HERC6: variants seen among roughly 807,000 people sequenced by gnomAD.
The protein encoded by HERC6 is HECT and RLD domain containing E3 ubiquitin protein ligase family member 6.
HERC6 carries 101 observed loss-of-function variants against 114.5 expected under a neutral mutation model. The ratio of observed to expected loss-of-function variants is 0.88; its 90% CI spans 0.75 to 1.04. HERC6 has a LOEUF of 1.04. Among genes scored for constraint, HERC6 ranks in the 50% least tolerant of loss-of-function variants. The pLI, the probability that HERC6 is intolerant of heterozygous loss-of-function variation, is 0.00. For missense variants in HERC6, 1,133 were observed against 1,230.9 expected (o/e 0.92, Z 1.19); for synonymous variants, 408 against 436.2 (o/e 0.94, Z 0.81).
chr4:88,426,804 G>C (rs969061821), intron 15 of HERC6, among the ~76,000 whole-genome samples: 2 of 152,198 alleles, frequency 1.3e-5, no homozygotes, highest in Non-Finnish European at 2.9e-5. Context: ...CCTATTACCA[G>C]CATGTTTACA....
intron 11 of HERC6, 122 bp downstream of exon 11, chr4:88,408,739 G>A: frequency 1.5e-6 from 1 of 689,290 alleles, no homozygotes; most frequent in Admixed American, 2.6e-5. Flanking sequence ...GCCCACTGCA[G>A]AAACAAAAAT....
In HERC6 at chr4:88,390,866, G is replaced by A. The variant is rs199728318; in HGVS notation, c.651G>A (p.Gly217=). ...GTGCCGGGCAGCTGGCCCTCAGTGG[G>A]CGTAATGTCCCAGGTAAGGAGATAG... ...SNSAGQLALS[G]RNVPVQSNKP... Residue 217 remains glycine (G), a synonymous_variant, in exon 4 of 23, where the codon GGG becomes GGA. Transcript: ENST00000264346. 73 of 1,612,906 alleles carry A rather than the reference G, an allele frequency of 4.5e-5. No individual in the cohort carries two copies. In the African/African-American group the frequency reaches 7.9e-4, roughly 17 times the overall value.
intron 4 of HERC6, 80 bp from the exon 5 acceptor site, chr4:88,393,408 T>C (rs1735023012): frequency 1.0e-5 from 7 of 672,158 alleles, no homozygotes; most frequent in Non-Finnish European, 1.7e-5. Context: ...AAAAGAAATA[T>C]AAAAAGATAT....
intron 14 of HERC6, 116 bp from the exon 15 acceptor site, chr4:88,424,479 A>T: frequency 1.3e-6 from 1 of 792,682 alleles, no homozygotes; most frequent in Non-Finnish European, 2.1e-6. Context: ...ACTCTGCCTT[A>T]AAAAAACAAA....
intron 11 of HERC6, among the ~76,000 whole-genome samples, chr4:88,409,326 A>G (rs1261321226): frequency 6.6e-6 from 1 of 152,206 alleles, no homozygotes; most frequent in African/African-American, 2.4e-5. Context: ...ATGAGAAAAG[A>G]CAGCCAACCT....
At chr4:88,385,894 T>C (rs1010303482) in intron 3 of HERC6, among the ~76,000 whole-genome samples, 1 of 152,212 alleles carries the variant, frequency 6.6e-6, no homozygotes, top group African/African-American at 2.4e-5. Flanking sequence ...GGCAGACTTA[T>C]TTGTCTATTT....
At position 88,429,547 on chromosome 4, in the gene HERC6, T is replaced by C. The variant is rs142527390; in HGVS notation, c.2106+797T>C. ...TTTGTGGGTGCTTACAGGGTTTTTA[T>C]TGTGTAGTAACTCAGGTTATTTGCC... On this transcript the variant is annotated intron_variant, in intron 16 of 22. Transcript: ENST00000264346. Among the ~76,000 whole-genome samples the C allele has an allele frequency of 9.0e-4, 137 of 152,320 alleles. 1 individual carries two copies. The highest frequency in any genetic ancestry group is 3.1e-3 in the African/African-American group (128 of 41,568).
In HERC6 at chr4:88,396,071, C is replaced by T. The variant is rs773252667; in HGVS notation, c.816C>T (p.Pro272=). 7.5e-6 allele frequency: 12 copies of T among 1,609,108 alleles called. No homozygotes were observed. The African/African-American group carries it at 1.6e-4, about 22-fold the overall frequency. Residue 272 remains proline, a synonymous_variant, in exon 6 of 23, where the codon CCC becomes CCT. Coordinates refer to ENST00000264346, the MANE Select transcript of HERC6 (RefSeq NM_017912.4). ...DNRSGQLGYS[P]TPEKRGPQLV... is the part of the protein sequence containing the mutation. Reference sequence around the variant, plus strand: ...GCTCTGGACAGCTGGGATACAGCCCCACTCCTGAGAAGAGAGGTCCACAAC... The same window carrying T: ...GCTCTGGACAGCTGGGATACAGCCCTACTCCTGAGAAGAGAGGTCCACAAC...
intron 1 of HERC6, among the ~76,000 whole-genome samples, chr4:88,380,525 T>C (rs2110224036): frequency 7.0e-6 from 1 of 143,290 alleles, no homozygotes; most frequent in African/African-American, 2.6e-5. Context: ...GAGACCACCC[T>C]GGCCAATATG....
intron 13 of HERC6, among the ~76,000 whole-genome samples, chr4:88,421,940 T>C (rs1431373239): frequency 1.3e-5 from 2 of 152,240 alleles, no homozygotes; most frequent in Non-Finnish European, 2.9e-5. Flanking sequence ...CTTTTGTCCA[T>C]TTTAAAATTA....
intron 8 of HERC6, 77 bp from the exon 9 acceptor site, chr4:88,404,799 G>A (rs1359959742): frequency 3.9e-6 from 6 of 1,552,376 alleles, no homozygotes. Flanking sequence ...TACCACCCAT[G>A]CCAGGTGATT....
chr4:88,396,219 T>G, intron 6 of HERC6, 77 bp downstream of exon 6: 2 of 1,229,366 alleles, frequency 1.6e-6, no homozygotes, highest in Non-Finnish European at 2.2e-6. Context: ...ATGACTCATA[T>G]GGAATGTTAT....
In HERC6 at chr4:88,432,531, C is replaced by A. The variant is rs532365550; in HGVS notation, c.2250+1226C>A. 4.3e-4 allele frequency among the ~76,000 whole-genome samples: 65 copies of A among 152,002 alleles called. 1 individual carries two copies. The highest frequency in any genetic ancestry group is 4.3e-4 in the Non-Finnish European group (29 of 67,996). ...GGTCAGGAATTCGAGACCAGCCTGG[C>A]CAGCCTGGCCAACCTGGCGAAACAC... On this transcript the variant is annotated intron_variant, in intron 17 of 22. Transcript: ENST00000264346.
chr4:88,397,415 C>T (rs1735302153), intron 7 of HERC6, among the ~76,000 whole-genome samples: 1 of 151,966 alleles, frequency 6.6e-6, no homozygotes, highest in African/African-American at 2.4e-5. Context: ...CCTGGCTGTA[C>T]ATATATATAT....
At chr4:88,442,000 T>C (rs1050077965) in intron 22 of HERC6, among the ~76,000 whole-genome samples, 3 of 152,176 alleles carry the variant, frequency 2.0e-5, no homozygotes, top group African/African-American at 7.2e-5. Context: ...CTAAATAAAC[T>C]TCCTTCTTGC....
At position 88,398,220 on chromosome 4, in the gene HERC6, T is replaced by C. The variant is rs766583886; in HGVS notation, c.1092+11T>C. The stretch of plus-strand genomic sequence containing the variant: ...GTGACAACTCATCAGGTATCTATTA[T>C]ACTTTTTGTTCCTCTTAAAAATTAT... On this transcript the variant is annotated intron_variant, in intron 8 of 22. Coordinates refer to ENST00000264346, the MANE Select transcript of HERC6 (RefSeq NM_017912.4). The C allele has an allele frequency of 2.5e-5, 39 of 1,533,596 alleles. No homozygotes were observed. Among genetic ancestry groups the C allele is most frequent in the Non-Finnish European group, 3.3e-5 (37 of 1,137,276 alleles). 95.0% of individuals were successfully genotyped at this position (1,533,596 alleles called of 1,614,324 possible).
intron 16 of HERC6, 93 bp from the exon 17 acceptor site, chr4:88,431,069 C>A: frequency 9.1e-7 from 1 of 1,100,192 alleles, no homozygotes; most frequent in Non-Finnish European, 1.3e-6. Context: ...ATTCTAGAGA[C>A]TGCAAGAATG....
At chr4:88,411,449 G>A (rs1736098992) in intron 11 of HERC6, among the ~76,000 whole-genome samples, 1 of 152,014 alleles carries the variant, frequency 6.6e-6, no homozygotes, top group Non-Finnish European at 1.5e-5. Context: ...AACACCTACT[G>A]GCATTCCACA....
At chr4:88,379,174 G>C in intron 1 of HERC6, 54 bp downstream of exon 1, 1 of 1,377,078 alleles carries the variant, frequency 7.3e-7, no homozygotes, top group Non-Finnish European at 9.7e-7. Flanking sequence ...ATGGGCGCGG[G>C]GGCTTGGGTA....
Sources: gnomAD v4.1 joint callset for allele counts (sites outside exome capture counted in the v4.1 genomes callset) on GRCh38, gnomAD v4.1.1 for gene constraint, MANE v1.5 for transcripts, NCBI Gene and HGNC (gene_info 2026-07-23, HGNC 2026-07-21) for gene names.